CDC42EP1: variants seen among roughly 807,000 people sequenced by gnomAD.
CDC42EP1 encodes the protein CDC42 effector protein 1.
A neutral mutation model predicts 7.4 loss-of-function variants in CDC42EP1; 6 were observed. That is an observed-to-expected ratio of 0.81 (90% CI 0.44 to 1.60). The LOEUF is 1.60. Ranked by LOEUF, CDC42EP1 falls within the 40% of genes most tolerant of loss-of-function variation. The pLI, the probability that CDC42EP1 is intolerant of heterozygous loss-of-function variation, is 0.01. For synonymous variants in CDC42EP1, 238 were observed against 227.1 expected, an observed-to-expected ratio of 1.05 and a Z score of -0.43; for missense variants, 567 against 539.0, an observed-to-expected ratio of 1.05 and a Z score of -0.51.
rs886448644 is a variant in CDC42EP1, at chr22:37,560,534, C to T, written c.-333C>T. The stretch of plus-strand genomic sequence containing the variant: ...GCCAGCCGGGACGCGCGGCCGCCGC[C>T]GCTGCAGACGACGAGTCCGCCCTCG... On this transcript the variant is annotated 5_prime_UTR_variant, in exon 1 of 3. Coordinates refer to ENST00000249014, the MANE Select transcript of CDC42EP1 (RefSeq NM_152243.3). 1 of 150,024 alleles carries T rather than the reference C, an allele frequency of 6.7e-6. No individual in the cohort carries two copies. The highest frequency in any genetic ancestry group is 1.5e-5 in the Non-Finnish European group (1 of 67,232). 9.3% of individuals were successfully genotyped at this position (150,024 alleles called of 1,614,324 possible). A position where few individuals can be genotyped will look rare whatever the true frequency, so the allele number is the denominator to read the frequency against.
chr22:37,565,920 C>T (rs542385563), intron 1 of CDC42EP1, among the ~76,000 whole-genome samples, 152 bp from the exon 2 acceptor site: 2 of 152,162 alleles, frequency 1.3e-5, no homozygotes, highest in Non-Finnish European at 1.5e-5. Context: ...CTTGGGTCCC[C>T]GTGTGCCTAG....
Position 37,566,551 on chromosome 22 carries a change from G to T in CDC42EP1, c.202G>T (p.Gly68Cys), listed in dbSNP as rs748248737. 4 of 1,608,474 alleles carry T rather than the reference G, an allele frequency of 2.5e-6. No individual in the cohort carries two copies. The Admixed American group carries it at 6.7e-5, about 27-fold the overall frequency. The change falls in exon 2 of 3, where the codon GGT becomes TGT. Residue 68 changes from glycine to cysteine, a missense_variant. Physicochemically the swap from Gly to Cys is radical, Grantham distance 159. Transcript: ENST00000249014. The surrounding 1 kb of genome is among the most constrained non-coding windows in gnomAD (Gnocchi z 6.4). ...FGDTSFLSNH[G>C]GSSGSTHRSP... ...GGACACGTCCTTCCTCAGCAACCAC[G>T]GTGGCAGCTCCGGGAGCACCCATCG...
chr22:37,562,596 C>G (rs1051313526), intron 1 of CDC42EP1, among the ~76,000 whole-genome samples: 1 of 152,212 alleles, frequency 6.6e-6, no homozygotes, highest in Non-Finnish European at 1.5e-5. Context: ...AAGACCGGGT[C>G]CCAATACCCT....
At position 37,566,636 on chromosome 22, in the gene CDC42EP1, C is replaced by G. The variant is rs200018136; in HGVS notation, c.287C>G (p.Pro96Arg). 70 of 1,595,594 alleles carry G rather than the reference C, an allele frequency of 4.4e-5. No individual in the cohort carries two copies. Among genetic ancestry groups the G allele is most frequent in the Non-Finnish European group, 5.5e-5 (64 of 1,168,758 alleles). Residue 96 changes from proline (P) to arginine (R), a missense_variant, in exon 2 of 3, where the codon CCC (proline) becomes CGC (arginine). Transcript: ENST00000249014. The surrounding 1 kb of genome is among the most constrained non-coding windows in gnomAD (Gnocchi z 6.4). ...LQLVRRVGAP[P>R]RRMASPPAPS... is the part of the protein sequence containing the mutation. Reference sequence around the variant, plus strand: ...CTGGTGCGGAGGGTGGGGGCGCCCCCCCGGAGGATGGCATCTCCCCCTGCA... The same window carrying G: ...CTGGTGCGGAGGGTGGGGGCGCCCCGCCGGAGGATGGCATCTCCCCCTGCA...
At chr22:37,562,872 C>A (rs756282185) in intron 1 of CDC42EP1, among the ~76,000 whole-genome samples, 10 of 152,106 alleles carry the variant, frequency 6.6e-5, no homozygotes, top group Non-Finnish European at 1.5e-4. Context: ...CTTTGGGAGG[C>A]TGAGGCAGCA....
At chr22:37,568,039 T>C in intron 2 of CDC42EP1, 69 bp from the exon 3 acceptor site, 1 of 1,379,144 alleles carries the variant, frequency 7.3e-7, no homozygotes, top group South Asian at 1.3e-5. Context: ...CCAGGACTGG[T>C]CCTGTCTCCC....
intron 1 of CDC42EP1, among the ~76,000 whole-genome samples, chr22:37,565,331 G>A (rs1925191957): frequency 6.6e-6 from 1 of 151,648 alleles, no homozygotes; most frequent in South Asian, 2.1e-4. Context: ...AGGACCACAG[G>A]CATACACCAC....
At position 37,567,583 on chromosome 22, in the gene CDC42EP1, C is replaced by G. The variant is rs191035832; in HGVS notation, c.464-525C>G. Among the ~76,000 whole-genome samples, 549 of 152,290 alleles carry G rather than the reference C, an allele frequency of 3.6e-3. 3 individuals carry two copies. Among genetic ancestry groups the G allele is most frequent in the South Asian group, 0.017 (80 of 4,826 alleles). On this transcript the variant is annotated intron_variant, in intron 2 of 2. Coordinates refer to ENST00000249014, the MANE Select transcript of CDC42EP1 (RefSeq NM_152243.3). ...CACTGAGGACTGGTCCACAGAAACCCGATTCTGTCTCAGGTCTGTAGTCCT... is the reference window on the plus strand; with the variant it reads ...CACTGAGGACTGGTCCACAGAAACCGGATTCTGTCTCAGGTCTGTAGTCCT...
At chr22:37,564,352 A>G (rs1460507890) in intron 1 of CDC42EP1, 1 of 152,210 alleles carries the variant, frequency 6.6e-6, no homozygotes, top group East Asian at 1.9e-4. Context: ...CAAGGCTCCT[A>G]CGTCAGTTTG....
Position 37,566,289 on chromosome 22 carries a change from C to A in CDC42EP1, c.-61C>A. The A allele has an allele frequency of 1.7e-6, 1 of 597,704 alleles. No individual in the cohort carries two copies. The highest frequency in any genetic ancestry group is 2.7e-6 in the Non-Finnish European group (1 of 369,110). 37.0% of individuals were successfully genotyped at this position (597,704 alleles called of 1,614,324 possible). A position where few individuals can be genotyped will look rare whatever the true frequency, so the allele number is the denominator to read the frequency against. On this transcript the variant is annotated 5_prime_UTR_variant, in exon 2 of 3. Transcript: ENST00000249014. This position sits in a 1 kb window ranked among gnomAD's most constrained non-coding sequence, Gnocchi z 6.4. ...AGCTGAGCAGCCATCCCAAGCCCAG[C>A]CCACCTCCCTCCCCCGGCCCCTGGT... is the stretch of plus-strand genomic sequence containing the variant.
At chr22:37,567,234 C>T (rs1925278313) in intron 2 of CDC42EP1, among the ~76,000 whole-genome samples, 3 of 152,126 alleles carry the variant, frequency 2.0e-5, no homozygotes, top group Admixed American at 1.3e-4. Context: ...TCTATAAGTT[C>T]AAGTCCTCGC....
In CDC42EP1 at chr22:37,566,830, C is replaced by G. The variant is rs1288386048; in HGVS notation, c.463+18C>G. On this transcript the variant is annotated intron_variant, in intron 2 of 2. Transcript: ENST00000249014. The surrounding 1 kb of genome is among the most constrained non-coding windows in gnomAD (Gnocchi z 6.4). ...CAGCTACGGTGAGGGCCTGGGCCAT[C>G]TTGGCCCACTTTTCAGAGGCTGAGG... The G allele has an allele frequency of 3.3e-6, 5 of 1,515,072 alleles. No homozygotes were observed. In the East Asian group the frequency reaches 1.1e-4, roughly 35 times the overall value. The allele number at this position is 1,515,072 out of a possible 1,614,324, so 93.9% of individuals were successfully genotyped here. A position where few individuals can be genotyped will look rare whatever the true frequency, so the allele number is the denominator to read the frequency against.
intron 1 of CDC42EP1, among the ~76,000 whole-genome samples, chr22:37,563,430 CA>C (rs1925117215): frequency 6.6e-6 from 1 of 152,044 alleles, no homozygotes; most frequent in Non-Finnish European, 1.5e-5. Flanking sequence ...AGAACTTCAG[CA>C]AACATTCCAC....
intron 1 of CDC42EP1, chr22:37,565,775 T>A (rs1329973940): frequency 6.6e-6 from 1 of 151,806 alleles, no homozygotes; most frequent in Non-Finnish European, 1.5e-5. Flanking sequence ...AGACGGGGTT[T>A]CTCTATGTTG....
At position 37,560,543 on chromosome 22, in the gene CDC42EP1, C is replaced by G. The variant is rs1016341710; in HGVS notation, c.-324C>G. On this transcript the variant is annotated 5_prime_UTR_variant, in exon 1 of 3. Coordinates refer to ENST00000249014, the MANE Select transcript of CDC42EP1 (RefSeq NM_152243.3). The stretch of plus-strand genomic sequence containing the variant: ...GACGCGCGGCCGCCGCCGCTGCAGA[C>G]GACGAGTCCGCCCTCGTCCCGCGCC... 6.7e-6 allele frequency: 1 copy of G among 150,120 alleles called. No homozygotes were observed. Among genetic ancestry groups the G allele is most frequent in the African/African-American group, 2.4e-5 (1 of 41,160 alleles). 9.3% of individuals were successfully genotyped at this position (150,120 alleles called of 1,614,324 possible). A position where few individuals can be genotyped will look rare whatever the true frequency, so the allele number is the denominator to read the frequency against.
In CDC42EP1 at chr22:37,566,020, T is replaced by G; in HGVS notation, c.-278-52T>G. 1 of 262,660 alleles carries G rather than the reference T, an allele frequency of 3.8e-6. No homozygotes were observed. Among genetic ancestry groups the G allele is most frequent in the East Asian group, 6.8e-5 (1 of 14,624 alleles). 16.3% of individuals were successfully genotyped at this position (262,660 alleles called of 1,614,324 possible). On this transcript the variant is annotated intron_variant, in intron 1 of 2. Transcript: ENST00000249014. This position sits in a 1 kb window ranked among gnomAD's most constrained non-coding sequence, Gnocchi z 6.4. ...AGCTGCTAATGTTTGGACCCCGGAT[T>G]TCCTCCTCTGTCGCGGGCCTGCCGT...
intron 2 of CDC42EP1, 58 bp from the exon 3 acceptor site, chr22:37,568,050 C>T: frequency 6.8e-7 from 1 of 1,465,902 alleles, no homozygotes; most frequent in Non-Finnish European, 9.4e-7. Flanking sequence ...CCTGTCTCCC[C>T]TCCTGAATTC....
intron 2 of CDC42EP1, 90 bp from the exon 3 acceptor site, chr22:37,568,018 C>G: frequency 8.8e-7 from 1 of 1,139,688 alleles, no homozygotes; most frequent in African/African-American, 1.5e-5. Flanking sequence ...AGCCAGAGGC[C>G]ACACAGCAAG....
rs1925306383 is a variant in CDC42EP1, at chr22:37,568,010, C to T, written c.464-98C>T. On this transcript the variant is annotated intron_variant, in intron 2 of 2. Transcript: ENST00000249014. ...CGAGGCCAGAGAGGGGAGGGACTAGCCAGAGGCCACACAGCAAGCCAGGAC... is the reference window on the plus strand; with the variant it reads ...CGAGGCCAGAGAGGGGAGGGACTAGTCAGAGGCCACACAGCAAGCCAGGAC... The T allele has an allele frequency of 7.8e-6, 8 of 1,023,356 alleles. No homozygotes were observed. In the South Asian group the frequency reaches 1.1e-4, roughly 13 times the overall value. 63.4% of individuals were successfully genotyped at this position (1,023,356 alleles called of 1,614,324 possible).
Sources: allele counts gnomAD v4.1 joint callset (sites outside exome capture counted in the v4.1 genomes callset), GRCh38; gene constraint gnomAD v4.1.1; non-coding constraint Gnocchi (gnomAD v3.1); transcripts MANE v1.5; gene names NCBI Gene and HGNC (gene_info 2026-07-23, HGNC 2026-07-21).